Variants in LCORL observed in about 807,000 individuals in gnomAD.
The protein encoded by LCORL is ligand-dependent nuclear receptor corepressor-like protein.
Under a neutral mutation model 141.8 loss-of-function variants are expected in LCORL, and 41 were observed. That is an observed-to-expected ratio of 0.29 (90% CI 0.23 to 0.38). The LOEUF is 0.38. LCORL is among the 10% of genes least tolerant of loss of function. The probability of loss-of-function intolerance (pLI) is 1.00; values close to 1 mark genes in which losing one functional copy is unlikely to be tolerated. For missense variants in LCORL, 1,759 were observed against 2,035.0 expected (o/e 0.86, Z 2.61); for synonymous variants, 618 against 694.1 (o/e 0.89, Z 1.72).
At chr4:17,848,223 T>C (rs1268604074) in intron 7 of LCORL, among the ~76,000 whole-genome samples, 1 of 149,894 alleles carries the variant, frequency 6.7e-6, no homozygotes, top group Non-Finnish European at 1.5e-5. Flanking sequence ...ATTTAATTCA[T>C]ATATACTTAA....
At chr4:18,007,916 AAAG>A (rs1723081289) in intron 1 of LCORL, among the ~76,000 whole-genome samples, 2 of 152,336 alleles carry the variant, frequency 1.3e-5, no homozygotes, top group East Asian at 3.8e-4. Context: ...TTAAGAAAGC[AAAG>A]AAGAAAAAAG....
At chr4:17,916,643 CTTTTT>C (rs1057287592) in intron 4 of LCORL, among the ~76,000 whole-genome samples, 1 of 113,120 alleles carries the variant, frequency 8.8e-6, no homozygotes, top group South Asian at 3.3e-4. Flanking sequence ...AATTAAATGT[CTTTTT>C]TTTTTTTTTT....
chr4:17,903,508 T>C (rs1292995452), intron 5 of LCORL, among the ~76,000 whole-genome samples: 1 of 152,068 alleles, frequency 6.6e-6, no homozygotes, highest in Non-Finnish European at 1.5e-5. Flanking sequence ...AAAAAATATA[T>C]ACTTGACACA....
At chr4:17,888,990 C>G (rs1268177251) in intron 5 of LCORL, among the ~76,000 whole-genome samples, 1 of 152,038 alleles carries the variant, frequency 6.6e-6, no homozygotes, top group Non-Finnish European at 1.5e-5. Flanking sequence ...ATTCTAAGCT[C>G]TCTTAGACTT....
intron 1 of LCORL, among the ~76,000 whole-genome samples, chr4:17,995,367 C>T (rs1450611417): frequency 6.6e-6 from 1 of 152,110 alleles, no homozygotes; most frequent in Admixed American, 6.5e-5. Flanking sequence ...ATAAATGGAA[C>T]TACTGGCATC....
At chr4:17,892,278 G>A (rs1350787999) in intron 5 of LCORL, among the ~76,000 whole-genome samples, 2 of 144,206 alleles carry the variant, frequency 1.4e-5, no homozygotes, top group Admixed American at 7.3e-5. Flanking sequence ...GCACAATCTC[G>A]GCTCACTGCA....
chr4:17,869,227 A>T (rs984142656), intron 7 of LCORL, among the ~76,000 whole-genome samples: 1 of 151,832 alleles, frequency 6.6e-6, no homozygotes, highest in Non-Finnish European at 1.5e-5. Context: ...TTAGCATGTA[A>T]ATATATATCT....
intron 1 of LCORL, among the ~76,000 whole-genome samples, chr4:17,994,860 A>G (rs1720655507): frequency 6.6e-6 from 1 of 152,136 alleles, no homozygotes; most frequent in Admixed American, 6.5e-5. Context: ...CCAAAGAAGC[A>G]AGGATCCTGT....
At chr4:17,966,827 A>G (rs1714976971) in intron 2 of LCORL, among the ~76,000 whole-genome samples, 1 of 152,186 alleles carries the variant, frequency 6.6e-6, no homozygotes, top group Non-Finnish European at 1.5e-5. Flanking sequence ...ACTTTCATCC[A>G]TTGCTGGTGG....
intron 4 of LCORL, among the ~76,000 whole-genome samples, chr4:17,953,361 C>A (rs549905018): frequency 5.3e-5 from 8 of 152,314 alleles, no homozygotes; most frequent in Non-Finnish European, 1.0e-4. Context: ...ACACTCCCAC[C>A]AGCAGTGTGT....
At chr4:17,978,464 T>C (rs142294512) in intron 1 of LCORL, among the ~76,000 whole-genome samples, 71 of 151,836 alleles carry the variant, frequency 4.7e-4, no homozygotes, top group African/African-American at 1.7e-3. Context: ...CCCAGAGTGG[T>C]GGCACACACC....
intron 5 of LCORL, among the ~76,000 whole-genome samples, chr4:17,888,249 C>T (rs1408750199): frequency 6.6e-6 from 1 of 152,096 alleles, no homozygotes; most frequent in Non-Finnish European, 1.5e-5. Flanking sequence ...TTAGAGTCCA[C>T]AGATTAGAAG....
chr4:17,872,418 G>A (rs969204945), intron 7 of LCORL, among the ~76,000 whole-genome samples: 6 of 152,034 alleles, frequency 3.9e-5, no homozygotes, highest in African/African-American at 1.2e-4. Context: ...GAGCTACAGA[G>A]ACAAAAACAA....
At chr4:17,843,159 T>TTTTAG (rs1722586209) in exon 8 of LCORL, 2 of 846,120 alleles carry the variant, frequency 2.4e-6, no homozygotes, top group Admixed American at 2.6e-5. Flanking sequence ...GACATTGAGA[T>TTTTAG]TTTAGTTTTA....
chr4:17,884,563 A>C lies in LCORL; in HGVS notation c.776+1505T>G. 1 of 1,536,390 alleles carries C rather than the reference A, an allele frequency of 6.5e-7. No homozygotes were observed. The highest frequency in any genetic ancestry group is 1.2e-5 in the South Asian group (1 of 82,080). On this transcript the variant is annotated intron_variant, in intron 6 of 7. Coordinates refer to ENST00000635767, the Ensembl canonical transcript of LCORL. The surrounding 1 kb of genome is among the most constrained non-coding windows in gnomAD (Gnocchi z 4.4). ...GGAAATCTCGAGTTTTGTTTTTAAA[A>C]GATGCAGGCTTCCCTGCTGGTAAGG...
chr4:17,959,646 A>C (rs1447422664), intron 4 of LCORL, among the ~76,000 whole-genome samples: 1 of 152,088 alleles, frequency 6.6e-6, no homozygotes, highest in Non-Finnish European at 1.5e-5. Context: ...TGGGAAAGAC[A>C]ATAAATTAGT....
intron 4 of LCORL, among the ~76,000 whole-genome samples, chr4:17,916,129 A>T (rs1199845304): frequency 2.0e-5 from 3 of 152,172 alleles, no homozygotes; most frequent in African/African-American, 7.2e-5. Flanking sequence ...CACATCATGA[A>T]TCCCTCATTC....
rs180941787 is a variant in LCORL at position 17,997,267 on chromosome 4, T to A, written c.154+24331A>T. On this transcript the variant is annotated intron_variant, in intron 1 of 7. Coordinates refer to ENST00000635767, the Ensembl canonical transcript of LCORL. ...CAATCTTACTTGTTGGAATTCGTTG[T>A]TACCAACACCACATTCTCCAAGCAC... 2.7e-3 allele frequency among the ~76,000 whole-genome samples: 409 copies of A among 152,292 alleles called. 10 individuals are homozygous for A. Among genetic ancestry groups the A allele is most frequent in the Non-Finnish European group, 4.9e-4 (33 of 67,990 alleles).
exon 7 of LCORL, chr4:17,876,324 C>A: frequency 8.1e-7 from 1 of 1,230,970 alleles, no homozygotes; most frequent in South Asian, 4.1e-5. Flanking sequence ...CTGTTCTTTG[C>A]ATGTCATTCT....
Sources: gnomAD v4.1 joint callset for allele counts (sites outside exome capture counted in the v4.1 genomes callset) on GRCh38, gnomAD v4.1.1 for gene constraint, Gnocchi (gnomAD v3.1) non-coding constraint, MANE v1.5 for transcripts, NCBI Gene and HGNC (gene_info 2026-07-23, HGNC 2026-07-21) for gene names.